DNAJC21: variants seen among roughly 807,000 people sequenced by gnomAD.
DNAJC21 encodes the protein dnaJ homolog subfamily C member 21.
In DNAJC21, 63 loss-of-function variants were observed where a neutral mutation model predicts 72.4. That is an observed-to-expected ratio of 0.87 (90% CI 0.71 to 1.07). The LOEUF (loss-of-function observed/expected upper bound fraction) is 1.07, where lower values mean the gene tolerates loss of function less well. Ranked by LOEUF, DNAJC21 falls within the 50% of genes least tolerant of loss-of-function variation. The pLI is 0.00. For missense variants in DNAJC21, 634 were observed against 644.8 expected (o/e 0.98, Z 0.18); for synonymous variants, 203 against 216.7 (o/e 0.94, Z 0.56).
chr5:34,946,459 A>G (rs530157175), intron 9 of DNAJC21, among the ~76,000 whole-genome samples: 2 of 152,250 alleles, frequency 1.3e-5, no homozygotes, highest in African/African-American at 2.4e-5. Context: ...TACATTAAGT[A>G]TTAAATATTT....
intron 6 of DNAJC21, among the ~76,000 whole-genome samples, chr5:34,939,359 G>A (rs1764910005): frequency 6.6e-6 from 1 of 151,826 alleles, no homozygotes; most frequent in African/African-American, 2.4e-5. Flanking sequence ...TCCGCTTCCT[G>A]GGTTCACGCC....
chr5:34,948,071 A>G (rs1765232591), intron 9 of DNAJC21, among the ~76,000 whole-genome samples: 1 of 152,208 alleles, frequency 6.6e-6, no homozygotes, highest in Non-Finnish European at 1.5e-5. Flanking sequence ...TTAAATGAAT[A>G]AATTGTAGCT....
intron 2 of DNAJC21, 121 bp from the exon 3 acceptor site, chr5:34,935,589 G>A (rs994005872): frequency 5.8e-6 from 7 of 1,209,222 alleles, no homozygotes; most frequent in African/African-American, 1.5e-5. Context: ...AAAATTTTTG[G>A]TTATGGATTG....
intron 8 of DNAJC21, among the ~76,000 whole-genome samples, chr5:34,945,548 G>A (rs6864535): frequency 0.44 from 66,210 of 151,716 alleles, 14,786 homozygotes; most frequent in African/African-American, 0.46. Context: ...CAGTTGATAA[G>A]CTAATTACTA....
intron 10 of DNAJC21, chr5:34,950,569 A>G (rs1765329878): frequency 1.7e-6 from 2 of 1,145,706 alleles, no homozygotes; most frequent in Admixed American, 4.7e-5. Context: ...CATGGCCAAA[A>G]TCAGAAAGAT....
In DNAJC21 at chr5:34,957,443, A is replaced by G. The variant is rs1035482825; in HGVS notation, c.*2729A>G. 2.0e-5 allele frequency: 3 copies of G among 152,180 alleles called. No homozygotes were observed. The highest frequency in any genetic ancestry group is 4.4e-5 in the Non-Finnish European group (3 of 68,042). 9.4% of individuals were successfully genotyped at this position (152,180 alleles called of 1,614,324 possible). ...GCAGTATCCTTAGCTCTAGCCAAGC[A>G]TTTTTCTAATTCCTGCCTTTGGTCA... On this transcript the variant is annotated 3_prime_UTR_variant, in exon 12 of 12. Coordinates refer to ENST00000648817, the MANE Select transcript of DNAJC21 (RefSeq NM_001012339.3).
At chr5:34,930,633 C>G (rs1764559569) in intron 1 of DNAJC21, among the ~76,000 whole-genome samples, 1 of 152,104 alleles carries the variant, frequency 6.6e-6, no homozygotes, top group South Asian at 2.1e-4. Context: ...ATGAAGTAAT[C>G]TGATCTTCCA....
intron 10 of DNAJC21, chr5:34,952,124 TGTG>T (rs1765390739): frequency 6.4e-6 from 2 of 310,316 alleles, no homozygotes; most frequent in African/African-American, 4.5e-5. Flanking sequence ...TTTTAAAAAA[TGTG>T]TGTGTGTGTG....
In DNAJC21 at chr5:34,958,405, A is replaced by G. The variant is rs1434670908; in HGVS notation, c.*3691A>G. On this transcript the variant is annotated 3_prime_UTR_variant, in exon 12 of 12. Transcript: ENST00000648817. The stretch of plus-strand genomic sequence containing the variant: ...TGGGGAAAACAATATGTACTACCTT[A>G]TACCCTTCCCCAAAAACAAAGGGAT... 6.6e-6 allele frequency: 1 copy of G among 152,208 alleles called. No individual in the cohort carries two copies. Among genetic ancestry groups the G allele is most frequent in the Non-Finnish European group, 1.5e-5 (1 of 68,044 alleles). 9.4% of individuals were successfully genotyped at this position (152,208 alleles called of 1,614,324 possible). A position where few individuals can be genotyped will look rare whatever the true frequency, so the allele number is the denominator to read the frequency against.
At chr5:34,949,579 C>G (rs942921755) in intron 9 of DNAJC21, 1 of 1,571,692 alleles carries the variant, frequency 6.4e-7, no homozygotes, top group Non-Finnish European at 8.7e-7. Flanking sequence ...GCCTGCAGCT[C>G]ACTTTCAGAT....
At chr5:34,930,114 C>T (rs1232557539) in intron 1 of DNAJC21, 198 bp downstream of exon 1, 4 of 409,934 alleles carry the variant, frequency 9.8e-6, no homozygotes, top group Non-Finnish European at 9.1e-6. Context: ...CGCACCCCGG[C>T]TCACACCCCA....
rs148232743 is a variant in DNAJC21 at position 34,945,512 on chromosome 5, A to G, written c.1143-249A>G. The stretch of plus-strand genomic sequence containing the variant: ...AATATTTATAGAACATATTATCACT[A>G]TATTAAAAGCAGTTTTTATACCTGG... On this transcript the variant is annotated intron_variant, in intron 8 of 11. Coordinates refer to ENST00000648817, the MANE Select transcript of DNAJC21 (RefSeq NM_001012339.3). Among the ~76,000 whole-genome samples, 208 of 152,352 alleles carry G rather than the reference A, an allele frequency of 1.4e-3. 1 individual carries two copies. The East Asian group carries it at 0.024, about 18-fold the overall frequency.
At position 34,957,956 on chromosome 5, in the gene DNAJC21, A is replaced by G. The variant is rs1319998134; in HGVS notation, c.*3242A>G. On this transcript the variant is annotated 3_prime_UTR_variant, in exon 12 of 12. Transcript: ENST00000648817. ...AATTTAATGTCTTTATACTAAAAAT[A>G]TAGGCTCTTGGGATTGGAGAGGAAA... The G allele has an allele frequency of 1.3e-5, 2 of 152,234 alleles. No homozygotes were observed. The highest frequency in any genetic ancestry group is 2.9e-5 in the Non-Finnish European group (2 of 68,048). 9.4% of individuals were successfully genotyped at this position (152,234 alleles called of 1,614,324 possible).
At position 34,937,419 on chromosome 5, in the gene DNAJC21, C is replaced by T. The variant is rs781627600; in HGVS notation, c.532C>T (p.Arg178Cys). The change falls in exon 5 of 12, where the codon CGC becomes TGC. Residue 178 changes from arginine to cysteine, a missense_variant. By Grantham distance (180) the Arg-to-Cys change is radical (BLOSUM62 -3). Coordinates refer to ENST00000648817, the MANE Select transcript of DNAJC21 (RefSeq NM_001012339.3). ...ATATGATACACGACAGGCTTCAAAC[C>T]GCTGGGAAAAACGAGCCATGGAAAA... ...EEYDTRQASN[R>C]WEKRAMEKEN... 19 of 1,614,042 alleles carry T rather than the reference C, an allele frequency of 1.2e-5. No individual in the cohort carries two copies. Among genetic ancestry groups the T allele is most frequent in the South Asian group, 2.2e-5 (2 of 91,080 alleles).
In DNAJC21 at chr5:34,937,223, A is replaced by C. The variant is rs181439735; in HGVS notation, c.439-103A>C. ...AGAGATTATTAGAAGTGTTATATAC[A>C]TGAAAAAAGAAAGGTAAAAGATGTT... is the stretch of plus-strand genomic sequence containing the variant. On this transcript the variant is annotated intron_variant, in intron 4 of 11. Coordinates refer to ENST00000648817, the MANE Select transcript of DNAJC21 (RefSeq NM_001012339.3). 426 of 1,223,552 alleles carry C rather than the reference A, an allele frequency of 3.5e-4. 3 individuals are homozygous for C. In the African/African-American group the frequency reaches 5.7e-3, roughly 16 times the overall value. The allele number at this position is 1,223,552 out of a possible 1,614,324, so 75.8% of individuals were successfully genotyped here.
intron 2 of DNAJC21, among the ~76,000 whole-genome samples, 181 bp from the exon 3 acceptor site, chr5:34,935,529 T>G (rs1764737617): frequency 6.6e-6 from 1 of 152,194 alleles, no homozygotes; most frequent in Admixed American, 6.5e-5. Context: ...TAGTTATAAT[T>G]AACAGTTCTG....
At chr5:34,954,523 C>G (rs769590036) in intron 11 of DNAJC21, 30 bp from the exon 12 acceptor site, 2 of 1,575,168 alleles carry the variant, frequency 1.3e-6, no homozygotes, top group East Asian at 4.6e-5. Context: ...ATAACGCTTA[C>G]TTTTATTTAT....
At chr5:34,938,296 C>A (rs1175743790) in intron 5 of DNAJC21, among the ~76,000 whole-genome samples, 16 of 152,190 alleles carry the variant, frequency 1.1e-4, no homozygotes, top group Admixed American at 9.8e-4. Context: ...TCTGAGGAAA[C>A]AAGGCTGACA....
In DNAJC21 at chr5:34,951,005, C is replaced by G. The variant is rs147508933; in HGVS notation, c.1358+663C>G. ...TTCAAGTTTCTGTCATTACAGAACC[C>G]TGAAAAGAATTAAAGTGAGAGAGCA... On this transcript the variant is annotated intron_variant, in intron 10 of 11. Coordinates refer to ENST00000648817, the MANE Select transcript of DNAJC21 (RefSeq NM_001012339.3). 1,009 of 985,362 alleles carry G rather than the reference C, an allele frequency of 1.0e-3. 18 individuals are homozygous for G. The South Asian group carries it at 0.021, about 21-fold the overall frequency. 61.0% of individuals were successfully genotyped at this position (985,362 alleles called of 1,614,324 possible).
Sources: allele counts gnomAD v4.1 joint callset (sites outside exome capture counted in the v4.1 genomes callset), GRCh38; gene constraint gnomAD v4.1.1; transcripts MANE v1.5; gene names NCBI Gene and HGNC (gene_info 2026-07-23, HGNC 2026-07-21).